MUC5AC: variants seen among roughly 807,000 people sequenced by gnomAD.
MUC5AC encodes the protein mucin 5AC, oligomeric mucus/gel-forming.
MUC5AC carries 158 observed loss-of-function variants against 169.7 expected under a neutral mutation model. The ratio of observed to expected loss-of-function variants is 0.93; its 90% CI spans 0.82 to 1.06. MUC5AC has a LOEUF of 1.06. Ranked by LOEUF, MUC5AC falls within the 50% of genes least tolerant of loss-of-function variation. The pLI is 0.00. For synonymous variants in MUC5AC, 1,975 were observed against 1,237.0 expected, an observed-to-expected ratio of 1.60 and a Z score of -12.52; for missense variants, 4,359 against 3,089.9, an observed-to-expected ratio of 1.41 and a Z score of -9.74.
chr11:1,194,615 C>A lies in MUC5AC; in HGVS notation c.15135C>A (p.Ile5045=), dbSNP rs369459748. ...TCCAGGTCATGTTCTCCGGCCTCAT[C>A]TTCTCCGTGGAGGTGCCCTTCAGCA... is the stretch of plus-strand genomic sequence containing the variant. ...LGVQVMFSGL[I]FSVEVPFSKF... Residue 5045 remains isoleucine, a synonymous_variant, in exon 35 of 49, where the codon ATC becomes ATA. Coordinates refer to ENST00000621226, the MANE Select transcript of MUC5AC (RefSeq NM_001304359.2). 1.3e-6 allele frequency: 1 copy of A among 764,482 alleles called. No homozygotes were observed. The highest frequency in any genetic ancestry group is 1.3e-5 in the South Asian group (1 of 74,594). 47.4% of individuals were successfully genotyped at this position (764,482 alleles called of 1,614,324 possible).
In MUC5AC at chr11:1,195,993, G is replaced by C. The variant is rs372563453; in HGVS notation, c.15576G>C (p.Ala5192=). 2 of 764,970 alleles carry C rather than the reference G, an allele frequency of 2.6e-6. No homozygotes were observed. Among genetic ancestry groups the C allele is most frequent in the Non-Finnish European group, 4.8e-6 (2 of 417,812 alleles). The allele number at this position is 764,970 out of a possible 1,614,324, so 47.4% of individuals were successfully genotyped here. A position where few individuals can be genotyped will look rare whatever the true frequency, so the allele number is the denominator to read the frequency against. ...DVVCSSLELY[A]ALCASHDICI... is the part of the protein sequence containing the mutation. ...TGTGCTCCAGCCTGGAGCTGTACGC[G>C]GCACTCTGTGCGTCCCACGACATCT... The change falls in exon 37 of 49, where the codon GCG becomes GCC. Residue 5192 remains alanine (A), a synonymous_variant. Transcript: ENST00000621226.
rs1030963872 is a variant in MUC5AC, at chr11:1,159,328, C to T, written c.73+1256C>T. On this transcript the variant is annotated intron_variant, in intron 1 of 48. Coordinates refer to ENST00000621226, the MANE Select transcript of MUC5AC (RefSeq NM_001304359.2). The stretch of plus-strand genomic sequence containing the variant: ...CCTCTCTGCAGGTCCTGGGCTGGGC[C>T]GGGCGCCCCTCCCACCATGCTGGTG... Among the ~76,000 whole-genome samples, 30 of 152,076 alleles carry T rather than the reference C, an allele frequency of 2.0e-4. No individual in the cohort carries two copies. In the East Asian group the frequency reaches 3.7e-3, roughly 19 times the overall value.
intron 41 of MUC5AC, 98 bp from the exon 42 acceptor site, chr11:1,197,805 G>A: frequency 1.6e-6 from 1 of 641,660 alleles, no homozygotes; most frequent in East Asian, 2.7e-5. Context: ...CCCCGAGCGG[G>A]CTGTCTAGGC....
intron 11 of MUC5AC, 69 bp from the exon 12 acceptor site, chr11:1,167,808 G>A: frequency 7.5e-7 from 1 of 1,327,980 alleles, no homozygotes; most frequent in Non-Finnish European, 1.1e-6. Context: ...CAGCCGGGTG[G>A]ACTGGCAGGG....
In MUC5AC at chr11:1,185,762, C is replaced by A. The variant is rs1860926711; in HGVS notation, c.7617C>A (p.Ser2539Arg). Reference sequence around the variant, plus strand: ...CTCCCAGCCCTGTTCCCACCACCAGCACAACCTCTGCTCCTACAACCAGCA... The same window carrying A: ...CTCCCAGCCCTGTTCCCACCACCAGAACAACCTCTGCTCCTACAACCAGCA... ...GTTPSPVPTT[S>R]TTSAPTTSTT... Residue 2539 changes from serine (S) to arginine (R), a missense_variant, in exon 31 of 49, where the codon AGC (serine) becomes AGA (arginine). Coordinates refer to ENST00000621226, the MANE Select transcript of MUC5AC (RefSeq NM_001304359.2). The A allele has an allele frequency of 4.0e-6, 3 of 743,822 alleles. No homozygotes were observed. Among genetic ancestry groups the A allele is most frequent in the African/African-American group, 3.4e-5 (2 of 58,276 alleles). The allele number at this position is 743,822 out of a possible 1,614,324, so 46.1% of individuals were successfully genotyped here.
chr11:1,160,714 C>T (rs1860117574), intron 2 of MUC5AC, 25 bp downstream of exon 2: 1 of 1,595,564 alleles, frequency 6.3e-7, no homozygotes, highest in African/African-American at 1.3e-5. Context: ...CCGGCCCCCA[C>T]CCTAAGCCTG....
intron 11 of MUC5AC, among the ~76,000 whole-genome samples, chr11:1,167,487 C>T (rs183533884): frequency 3.3e-5 from 5 of 152,332 alleles, no homozygotes; most frequent in Admixed American, 3.3e-4. Flanking sequence ...TGGTGAAATT[C>T]CACGTTTAAG....
chr11:1,196,996 G>A, intron 40 of MUC5AC, 88 bp downstream of exon 40: 1 of 704,798 alleles, frequency 1.4e-6, no homozygotes, highest in Non-Finnish European at 2.6e-6. Context: ...GAAATGGTCA[G>A]GTGGGGCTCA....
rs563304670 is a variant in MUC5AC, at chr11:1,200,130, G to A, written c.16700+161G>A. 1.4e-4 allele frequency among the ~76,000 whole-genome samples: 21 copies of A among 152,298 alleles called. No homozygotes were observed. In the East Asian group the frequency reaches 1.5e-3, roughly 11 times the overall value. ...AAAGGGGTCCTGAGATGGCAAGGGT[G>A]GGGCTGGGGTAACTACATCCCCAGA... On this transcript the variant is annotated intron_variant, in intron 48 of 48. Coordinates refer to ENST00000621226, the MANE Select transcript of MUC5AC (RefSeq NM_001304359.2).
Position 1,189,378 on chromosome 11 carries a change from AT to A in MUC5AC, c.11234del (p.Ile3745ThrfsTer44). 1 of 577,326 alleles carries A rather than the reference AT, an allele frequency of 1.7e-6. No homozygotes were observed. The highest frequency in any genetic ancestry group is 3.1e-6 in the Non-Finnish European group (1 of 326,186). 35.8% of individuals were successfully genotyped at this position (577,326 alleles called of 1,614,324 possible). A position where few individuals can be genotyped will look rare whatever the true frequency, so the allele number is the denominator to read the frequency against. On this transcript the variant is annotated frameshift_variant, in exon 31 of 49. Transcript: ENST00000621226. LOFTEE classifies it high-confidence loss of function. ...AATCTCTGCCCCTACAACCAGCACA[AT>A]CTCTGCCCCTACAACCAGCACAACC... ...STISAPTTSTISAPTTSTTSA... is the reference protein window; with the variant it reads ...STISAPTTSTXSAPTTSTTSA...
At chr11:1,163,825 G>T in intron 6 of MUC5AC, 57 bp from the exon 7 acceptor site, 2 of 1,394,600 alleles carry the variant, frequency 1.4e-6, no homozygotes, top group East Asian at 5.0e-5. Context: ...CTGCTCGGGT[G>T]CTGGGCTGAC....
intron 15 of MUC5AC, among the ~76,000 whole-genome samples, chr11:1,170,146 CCCAT>C (rs2133730937): frequency 1.3e-5 from 1 of 77,176 alleles, no homozygotes; most frequent in Non-Finnish European, 2.5e-5. Flanking sequence ...CACCCACTCA[CCCAT>C]TCACCCATTC....
chr11:1,197,142 C>T, intron 40 of MUC5AC, among the ~76,000 whole-genome samples: 1 of 152,190 alleles, frequency 6.6e-6, no homozygotes, highest in East Asian at 1.9e-4. Flanking sequence ...GGGCGTCTGT[C>T]CTGGTGTTGC....
Position 1,192,192 on chromosome 11 carries a change from G to A in MUC5AC, c.14047G>A (p.Glu4683Lys). ...RLQCRAESHP[E>K]VNIEHLGQVV... ...CCAGTGCCGAGCCGAGAGCCACCCGGAGGTGAACATTGAACACCTGGGTCA... is the reference window on the plus strand; with the variant it reads ...CCAGTGCCGAGCCGAGAGCCACCCGAAGGTGAACATTGAACACCTGGGTCA... Residue 4683 changes from glutamate (E) to lysine (K), a missense_variant, in exon 31 of 49, where the codon GAG (glutamate) becomes AAG (lysine). Transcript: ENST00000621226. The A allele has an allele frequency of 1.3e-6, 1 of 765,120 alleles. No individual in the cohort carries two copies. The highest frequency in any genetic ancestry group is 2.4e-6 in the Non-Finnish European group (1 of 417,910). The allele number at this position is 765,120 out of a possible 1,614,324, so 47.4% of individuals were successfully genotyped here. A position where few individuals can be genotyped will look rare whatever the true frequency, so the allele number is the denominator to read the frequency against.
At chr11:1,177,756 G>A (rs1281534840) in intron 24 of MUC5AC, 123 bp downstream of exon 24, 5 of 395,526 alleles carry the variant, frequency 1.3e-5, no homozygotes, top group African/African-American at 1.0e-4. Flanking sequence ...TGGAAGCGGG[G>A]TGGGAAGTGG....
At chr11:1,171,192 CTTA>C in intron 15 of MUC5AC, among the ~76,000 whole-genome samples, 1 of 140,464 alleles carries the variant, frequency 7.1e-6, no homozygotes. Context: ...CACTCACTCA[CTTA>C]CTCACTCACT....
chr11:1,176,519 C>A lies in MUC5AC; in HGVS notation c.2508C>A (p.Ser836Arg). 2.5e-6 allele frequency: 1 copy of A among 399,580 alleles called. No individual in the cohort carries two copies. The highest frequency in any genetic ancestry group is 3.6e-5 in the East Asian group (1 of 28,076). 24.8% of individuals were successfully genotyped at this position (399,580 alleles called of 1,614,324 possible). The change falls in exon 21 of 49, where the codon AGC becomes AGA. Residue 836 changes from serine to arginine, a missense_variant. By Grantham distance (110) the Ser-to-Arg change is moderately radical. Coordinates refer to ENST00000621226, the MANE Select transcript of MUC5AC (RefSeq NM_001304359.2). The part of the protein sequence containing the change: ...SCHTLDMTCY[S>R]PQCVPGCVCP... ...GGTGTCTGCTGGCCCTGCAGTACAG[C>A]CCCCAGTGTGTGCCTGGCTGCGTGT...
Position 1,192,472 on chromosome 11 carries a change from C to T in MUC5AC, c.14327C>T (p.Ala4776Val), listed in dbSNP as rs757131488. 1 of 765,124 alleles carries T rather than the reference C, an allele frequency of 1.3e-6. No homozygotes were observed. 47.4% of individuals were successfully genotyped at this position (765,124 alleles called of 1,614,324 possible). Residue 4776 changes from alanine to valine, a missense_variant, in exon 31 of 49, where the codon GCT (alanine) becomes GTT (valine). By Grantham distance (64) the Ala-to-Val change is moderately conservative. Transcript: ENST00000621226. ...AGCTCTGTGGCATCCAGCTCTGTGGCTTACTCCACCCAAACCTGCTTCTGC... is the reference window on the plus strand; with the variant it reads ...AGCTCTGTGGCATCCAGCTCTGTGGTTTACTCCACCCAAACCTGCTTCTGC... ...ASSSVASSSVAYSTQTCFCNV... is the reference protein window; with the variant it reads ...ASSSVASSSVVYSTQTCFCNV...
In MUC5AC at chr11:1,187,414, C is replaced by T. The variant is rs1860979960; in HGVS notation, c.9269C>T (p.Thr3090Ile). ...ACCAGCACAACCTCTGCCGCTACAA[C>T]CAGCACAATCTCGGCCCCAACAACC... ...PTTSTTSAAT[T>I]STISAPTTST... Residue 3090 changes from threonine (T) to isoleucine (I), a missense_variant, in exon 31 of 49, where the codon ACC becomes ATC. By Grantham distance (89) the Thr-to-Ile change is moderately conservative. Transcript: ENST00000621226. The T allele has an allele frequency of 2.7e-6, 2 of 735,352 alleles. No individual in the cohort carries two copies. The highest frequency in any genetic ancestry group is 2.5e-6 in the Non-Finnish European group (1 of 403,022). 45.6% of individuals were successfully genotyped at this position (735,352 alleles called of 1,614,324 possible). A position where few individuals can be genotyped will look rare whatever the true frequency, so the allele number is the denominator to read the frequency against.
Sources: allele counts gnomAD v4.1 joint callset (sites outside exome capture counted in the v4.1 genomes callset), GRCh38; gene constraint gnomAD v4.1.1; transcripts MANE v1.5; gene names NCBI Gene and HGNC (gene_info 2026-07-23, HGNC 2026-07-21).